ME1: variants seen among roughly 807,000 people sequenced by gnomAD.
ME1 encodes malic enzyme 1.
Under a neutral mutation model 66.4 loss-of-function variants are expected in ME1, and 74 were observed. That is an observed-to-expected ratio of 1.11 (90% CI 0.92 to 1.35). The LOEUF (loss-of-function observed/expected upper bound fraction) is 1.35, where lower values mean the gene tolerates loss of function less well. Among genes scored for constraint, ME1 ranks in the 40% most tolerant of loss-of-function variants. The probability of loss-of-function intolerance (pLI) is 0.00; values close to 1 mark genes in which losing one functional copy is unlikely to be tolerated. For missense variants in ME1, 750 were observed against 694.1 expected, an observed-to-expected ratio of 1.08 and a Z score of -0.90; for synonymous variants, 251 against 235.6, an observed-to-expected ratio of 1.07 and a Z score of -0.60.
intron 5 of ME1, 30 bp from the exon 6 acceptor site, chr6:83,315,443 A>G: frequency 1.6e-6 from 2 of 1,258,872 alleles, no homozygotes; most frequent in Non-Finnish European, 2.3e-6. Context: ...TAAAAATAGA[A>G]ATAACTATAA....
intron 5 of ME1, among the ~76,000 whole-genome samples, chr6:83,339,826 CG>C (rs1768539719): frequency 9.8e-6 from 1 of 102,420 alleles, no homozygotes. Context: ...GTGGTGGGGT[CG>C]GGGGAGGGGG....
intron 7 of ME1, among the ~76,000 whole-genome samples, chr6:83,242,905 CA>C (rs1387220865): frequency 1.3e-5 from 2 of 151,930 alleles, no homozygotes; most frequent in African/African-American, 2.4e-5. Flanking sequence ...TAGGAGGCAC[CA>C]AGTGCCTCTG....
intron 6 of ME1, among the ~76,000 whole-genome samples, chr6:83,274,165 T>C (rs1391372411): frequency 6.6e-6 from 1 of 152,194 alleles, no homozygotes; most frequent in Non-Finnish European, 1.5e-5. Context: ...TTTTTAAAAT[T>C]TCCATTCAGA....
chr6:83,393,304 GC>G, intron 3 of ME1: 1 of 1,260,926 alleles, frequency 7.9e-7, no homozygotes, highest in Non-Finnish European at 1.1e-6. Context: ...GGCTGGCATT[GC>G]CCTCAACGAC....
chr6:83,400,711 C>T (rs892191880), intron 2 of ME1, among the ~76,000 whole-genome samples: 2 of 152,162 alleles, frequency 1.3e-5, no homozygotes, highest in African/African-American at 4.8e-5. Context: ...GAAATTATAG[C>T]TTAGATCATG....
At chr6:83,219,493 C>A (rs576016697) in intron 12 of ME1, among the ~76,000 whole-genome samples, 5 of 152,114 alleles carry the variant, frequency 3.3e-5, no homozygotes, top group Non-Finnish European at 5.9e-5. Flanking sequence ...ATAATACTTC[C>A]TAATTCATAA....
At chr6:83,261,117 G>A (rs1325013201) in intron 6 of ME1, among the ~76,000 whole-genome samples, 1 of 152,030 alleles carries the variant, frequency 6.6e-6, no homozygotes, top group Non-Finnish European at 1.5e-5. Flanking sequence ...CCCTTGCCAG[G>A]ATCTGTTATT....
chr6:83,356,887 T>A (rs1157545641), intron 3 of ME1, among the ~76,000 whole-genome samples: 1 of 152,188 alleles, frequency 6.6e-6, no homozygotes, highest in Non-Finnish European at 1.5e-5. Context: ...ATTATTACCA[T>A]CTAATCCTCA....
chr6:83,422,874 A>C (rs1184818648), intron 1 of ME1, among the ~76,000 whole-genome samples: 2 of 152,086 alleles, frequency 1.3e-5, no homozygotes, highest in Non-Finnish European at 2.9e-5. Flanking sequence ...GCCTCAGGAC[A>C]ATATCAAAAG....
intron 3 of ME1, among the ~76,000 whole-genome samples, chr6:83,360,198 G>A (rs2128545773): frequency 6.6e-6 from 1 of 152,318 alleles, no homozygotes; most frequent in East Asian, 1.9e-4. Flanking sequence ...ATCCCCTGGA[G>A]GAAGGACCCC....
intron 6 of ME1, among the ~76,000 whole-genome samples, chr6:83,291,229 A>G (rs1045303977): frequency 7.2e-5 from 11 of 152,152 alleles, no homozygotes; most frequent in African/African-American, 2.7e-4. Context: ...GGTCTTTACA[A>G]TTTGGCCTGT....
intron 3 of ME1, among the ~76,000 whole-genome samples, chr6:83,369,671 CGAAGGAAGGAAGGAAG>C (rs796598711): frequency 7.9e-4 from 57 of 72,338 alleles, no homozygotes; most frequent in Middle Eastern, 8.9e-3. Context: ...AAGGAAGGAA[CGAAGGAAGGAAGGAAG>C]GAAGGAAGGA....
At chr6:83,362,490 C>T (rs1002084372) in intron 3 of ME1, among the ~76,000 whole-genome samples, 2 of 152,176 alleles carry the variant, frequency 1.3e-5, no homozygotes, top group Non-Finnish European at 1.5e-5. Context: ...AACAAAGTAC[C>T]CATGGTGGCA....
chr6:83,331,421 T>C (rs1265309494), intron 5 of ME1, among the ~76,000 whole-genome samples: 1 of 151,922 alleles, frequency 6.6e-6, no homozygotes, highest in Admixed American at 6.6e-5. Flanking sequence ...AACCCATCTC[T>C]ACTAAATATA....
At chr6:83,308,337 T>C (rs1767863038) in intron 6 of ME1, among the ~76,000 whole-genome samples, 1 of 152,056 alleles carries the variant, frequency 6.6e-6, no homozygotes, top group African/African-American at 2.4e-5. Context: ...TAATATTAGT[T>C]CTTAAAAGCT....
At chr6:83,262,843 C>A (rs1766923274) in intron 6 of ME1, among the ~76,000 whole-genome samples, 1 of 152,140 alleles carries the variant, frequency 6.6e-6, no homozygotes, top group Admixed American at 6.5e-5. Context: ...TAGTAAGATA[C>A]CTTCTATCTT....
At chr6:83,220,427 A>G (rs1790070384) in intron 12 of ME1, among the ~76,000 whole-genome samples, 1 of 152,240 alleles carries the variant, frequency 6.6e-6, no homozygotes, top group South Asian at 2.1e-4. Flanking sequence ...GCTGATCACC[A>G]GAGGTCCAGA....
intron 5 of ME1, among the ~76,000 whole-genome samples, chr6:83,340,877 C>T (rs1182654125): frequency 6.6e-6 from 1 of 152,042 alleles, no homozygotes; most frequent in African/African-American, 2.4e-5. Flanking sequence ...ATAAAATTTA[C>T]ATCTATTTTC....
At chr6:83,246,990 G>T (rs1159386602) in intron 7 of ME1, among the ~76,000 whole-genome samples, 1 of 152,020 alleles carries the variant, frequency 6.6e-6, no homozygotes, top group African/African-American at 2.4e-5. Flanking sequence ...TACTGGCCAT[G>T]GTATCCTTTT....
Sources: gnomAD v4.1 joint callset for allele counts (sites outside exome capture counted in the v4.1 genomes callset) on GRCh38, gnomAD v4.1.1 for gene constraint, MANE v1.5 for transcripts, NCBI Gene and HGNC (gene_info 2026-07-23, HGNC 2026-07-21) for gene names.